The following CNTNAP3B variants were observed in gnomAD, a reference collection of about 807,000 sequenced individuals.
CNTNAP3B encodes the protein contactin associated protein family member 3B.
CNTNAP3B carries 25 observed loss-of-function variants against 108.9 expected under a neutral mutation model. The ratio of observed to expected loss-of-function variants is 0.23; its 90% CI spans 0.17 to 0.32. The LOEUF is 0.32. Among genes scored for constraint, CNTNAP3B ranks in the 10% least tolerant of loss-of-function variants. CNTNAP3B has a pLI of 1.00. For missense variants in CNTNAP3B, 252 were observed against 1,210.4 expected, an observed-to-expected ratio of 0.21 and a Z score of 11.75; for synonymous variants, 103 against 473.4, an observed-to-expected ratio of 0.22 and a Z score of 10.16.
chr9:42,127,850 C>T (rs1221609303), intron 1 of CNTNAP3B, among the ~76,000 whole-genome samples: 1 of 138,816 alleles, frequency 7.2e-6, no homozygotes, highest in Non-Finnish European at 1.5e-5. Flanking sequence ...ACCCTTGAGC[C>T]CACAGGCAGA....
At chr9:42,061,480 A>G (rs1297449165) in intron 3 of CNTNAP3B, among the ~76,000 whole-genome samples, 2 of 132,290 alleles carry the variant, frequency 1.5e-5, no homozygotes, top group African/African-American at 3.1e-5. Flanking sequence ...ATGCCCAGCT[A>G]ATTTTTGTAT....
intron 10 of CNTNAP3B, among the ~76,000 whole-genome samples, chr9:41,966,252 C>T (rs1178009305): frequency 1.3e-5 from 2 of 152,292 alleles, no homozygotes; most frequent in African/African-American, 4.8e-5. Context: ...CTTGAAGATT[C>T]CACAAATTTT....
chr9:41,933,178 A>T (rs1434021626), intron 14 of CNTNAP3B, among the ~76,000 whole-genome samples: 1 of 152,194 alleles, frequency 6.6e-6, no homozygotes, highest in East Asian at 1.9e-4. Context: ...AAAAGAGGGT[A>T]TCTCAACAGC....
At chr9:41,966,842 C>T (rs1273292203) in intron 10 of CNTNAP3B, among the ~76,000 whole-genome samples, 1 of 150,560 alleles carries the variant, frequency 6.6e-6, no homozygotes, top group Non-Finnish European at 1.5e-5. Context: ...TGGCGGGCGC[C>T]TGTAGTTCCA....
intron 13 of CNTNAP3B, among the ~76,000 whole-genome samples, chr9:41,948,132 T>C (rs75201984): frequency 0.84 from 124,012 of 148,474 alleles, 49,775 homozygotes; most frequent in Admixed American, 0.86. Flanking sequence ...CGTTCTGTTG[T>C]CCAGGCTGGA....
intron 3 of CNTNAP3B, among the ~76,000 whole-genome samples, chr9:42,055,098 C>T (rs544744158): frequency 7.2e-6 from 1 of 139,342 alleles, no homozygotes; most frequent in Non-Finnish European, 1.5e-5. Context: ...AAAAGAACTG[C>T]ATTAAAATCA....
chr9:41,928,157 A>G, intron 15 of CNTNAP3B, among the ~76,000 whole-genome samples: 1 of 152,396 alleles, frequency 6.6e-6, no homozygotes, highest in South Asian at 2.1e-4. Context: ...CCTACTTGCA[A>G]GCTAACAATT....
chr9:41,926,288 C>T (rs1439054848), intron 15 of CNTNAP3B, among the ~76,000 whole-genome samples: 1 of 152,076 alleles, frequency 6.6e-6, no homozygotes, highest in African/African-American at 2.4e-5. Flanking sequence ...ATTCCTTGAC[C>T]CTATCCCTGC....
chr9:42,041,380 C>A (rs1433626915), intron 3 of CNTNAP3B, among the ~76,000 whole-genome samples: 100 of 151,372 alleles, frequency 6.6e-4, no homozygotes, highest in Middle Eastern at 3.4e-3. Flanking sequence ...AGAATTTAAA[C>A]AAATTTACAA....
chr9:42,042,445 A>T (rs1826780140), intron 3 of CNTNAP3B, among the ~76,000 whole-genome samples: 1 of 141,704 alleles, frequency 7.1e-6, no homozygotes, highest in Admixed American at 7.1e-5. Flanking sequence ...CTCCATATCC[A>T]TGGGTTCTGC....
intron 2 of CNTNAP3B, among the ~76,000 whole-genome samples, chr9:42,091,908 A>C (rs1176062716): frequency 9.4e-6 from 1 of 106,158 alleles, no homozygotes; most frequent in Non-Finnish European, 2.0e-5. Context: ...ATGTTCTCTA[A>C]AACCCCATAA....
rs62556372 is a variant in CNTNAP3B at position 41,975,144 on chromosome 9, C to G, written c.1478-4899G>C. ...CCTCGGGGAGCACCTGCAGGGGCTT[C>G]GAGACGCCTTTCCGGTGGGGAAGAC... On this transcript the variant is annotated intron_variant, in intron 9 of 23. Transcript: ENST00000377561. The G allele has an allele frequency of 5.1e-3, 980 of 191,574 alleles. 102 individuals carry two copies. Among genetic ancestry groups the G allele is most frequent in the Non-Finnish European group, 6.8e-3 (671 of 98,726 alleles). 11.9% of individuals were successfully genotyped at this position (191,574 alleles called of 1,614,324 possible).
At chr9:42,053,269 T>C (rs1374638452) in intron 3 of CNTNAP3B, among the ~76,000 whole-genome samples, 1 of 96,200 alleles carries the variant, frequency 1.0e-5, no homozygotes, top group African/African-American at 3.9e-5. Context: ...GGGACTCATA[T>C]AGTAGGAATT....
At chr9:41,965,425 G>A (rs1825239413) in intron 10 of CNTNAP3B, among the ~76,000 whole-genome samples, 2 of 151,440 alleles carry the variant, frequency 1.3e-5, no homozygotes, top group Non-Finnish European at 2.9e-5. Context: ...TAGGGGAACA[G>A]GGAGCAGGGT....
chr9:41,936,025 T>A (rs1824146283), intron 14 of CNTNAP3B, among the ~76,000 whole-genome samples: 1 of 152,188 alleles, frequency 6.6e-6, no homozygotes, highest in South Asian at 2.1e-4. Flanking sequence ...ATACGTGAAG[T>A]CTACAATAAA....
At chr9:41,966,730 G>C (rs552629261) in intron 10 of CNTNAP3B, among the ~76,000 whole-genome samples, 1 of 152,228 alleles carries the variant, frequency 6.6e-6, no homozygotes, top group Non-Finnish European at 1.5e-5. Context: ...AACTTTGGGA[G>C]GCTGACGCGG....
chr9:41,995,740 A>AG (rs1413513422), intron 7 of CNTNAP3B, among the ~76,000 whole-genome samples: 1 of 133,750 alleles, frequency 7.5e-6, no homozygotes, highest in Non-Finnish European at 1.6e-5. Flanking sequence ...CAAAAAAAAA[A>AG]AAAAAAAAAA....
At chr9:41,924,925 T>G (rs1477918258) in intron 15 of CNTNAP3B, among the ~76,000 whole-genome samples, 2 of 152,212 alleles carry the variant, frequency 1.3e-5, no homozygotes, top group African/African-American at 2.4e-5. Flanking sequence ...TCTGACATAC[T>G]CATGATTGGA....
intron 18 of CNTNAP3B, among the ~76,000 whole-genome samples, chr9:41,918,453 C>T (rs1038244207): frequency 2.8e-5 from 4 of 145,234 alleles, no homozygotes; most frequent in Non-Finnish European, 6.0e-5. Context: ...GTTTAGTACA[C>T]ACATACACAT....
Sources: allele counts gnomAD v4.1 joint callset (sites outside exome capture counted in the v4.1 genomes callset), GRCh38; gene constraint gnomAD v4.1.1; transcripts MANE v1.5; gene names NCBI Gene and HGNC (gene_info 2026-07-23, HGNC 2026-07-21).